EGLN1: variants seen among roughly 807,000 people sequenced by gnomAD.
EGLN1 encodes the protein egl-9 family hypoxia inducible factor 1.
A neutral mutation model predicts 38.3 loss-of-function variants in EGLN1; 17 were observed. That is an observed-to-expected ratio of 0.44 (90% CI 0.30 to 0.67). EGLN1 has a LOEUF of 0.67. Among genes scored for constraint, EGLN1 ranks in the 30% least tolerant of loss-of-function variants. The pLI, the probability that EGLN1 is intolerant of heterozygous loss-of-function variation, is 0.08. For missense variants in EGLN1, 477 were observed against 603.3 expected, an observed-to-expected ratio of 0.79 and a Z score of 2.19; for synonymous variants, 283 against 257.5, an observed-to-expected ratio of 1.10 and a Z score of -0.95.
intron 1 of EGLN1, among the ~76,000 whole-genome samples, chr1:231,406,170 A>C (rs5006653): frequency 1.0e-3 from 125 of 121,150 alleles, no homozygotes; most frequent in Admixed American, 4.8e-3. Flanking sequence ...CGTCTCAAAA[A>C]AAAAAAAAAT....
chr1:231,381,791 T>A (rs1222446182), intron 1 of EGLN1, among the ~76,000 whole-genome samples: 8 of 152,236 alleles, frequency 5.3e-5, no homozygotes, highest in Non-Finnish European at 1.0e-4. Context: ...ACCTCAGCTA[T>A]AATCTTACCA....
chr1:231,374,189 T>G, intron 1 of EGLN1, 90 bp from the exon 2 acceptor site: 1 of 1,125,650 alleles, frequency 8.9e-7, no homozygotes, highest in Non-Finnish European at 1.3e-6. Context: ...TTTTGGCTAC[T>G]GATTTACACT....
At chr1:231,377,585 T>A (rs1427919983) in intron 1 of EGLN1, among the ~76,000 whole-genome samples, 2 of 152,166 alleles carry the variant, frequency 1.3e-5, no homozygotes, top group Non-Finnish European at 2.9e-5. Flanking sequence ...CAGTTTTAAT[T>A]ACAAGCATCG....
intron 1 of EGLN1, 57 bp downstream of exon 1, chr1:231,420,941 G>A: frequency 1.2e-6 from 2 of 1,613,448 alleles, no homozygotes; most frequent in Non-Finnish European, 1.7e-6. Context: ...TCAGTCGCAG[G>A]CAGGGGCTGC....
intron 1 of EGLN1, among the ~76,000 whole-genome samples, chr1:231,401,044 C>A (rs977952174): frequency 1.3e-5 from 2 of 152,124 alleles, no homozygotes; most frequent in Non-Finnish European, 2.9e-5. Flanking sequence ...GAGTGAGACC[C>A]TATCTCAAAA....
In EGLN1 at chr1:231,422,004, T is replaced by A; in HGVS notation, c.-116A>T. The A allele has an allele frequency of 3.5e-6, 4 of 1,127,200 alleles. No individual in the cohort carries two copies. Among genetic ancestry groups the A allele is most frequent in the Non-Finnish European group, 4.6e-6 (4 of 875,294 alleles). 69.8% of individuals were successfully genotyped at this position (1,127,200 alleles called of 1,614,324 possible). A position where few individuals can be genotyped will look rare whatever the true frequency, so the allele number is the denominator to read the frequency against. On this transcript the variant is annotated 5_prime_UTR_variant, in exon 1 of 5. The change abolishes an upstream ATG in the 5' untranslated region. Coordinates refer to ENST00000366641, the MANE Select transcript of EGLN1 (RefSeq NM_022051.3). ...AGAGATAGGGGCCGTTACTGCGCCA[T>A]GCACCCGCTACCCTCGCCTCAGGGA...
intron 1 of EGLN1, among the ~76,000 whole-genome samples, chr1:231,393,762 C>T (rs1387119389): frequency 6.6e-6 from 1 of 152,104 alleles, no homozygotes; most frequent in East Asian, 1.9e-4. Flanking sequence ...CTCATCACAC[C>T]CTCTGCCTTT....
intron 1 of EGLN1, among the ~76,000 whole-genome samples, chr1:231,399,391 A>G (rs1201746198): frequency 6.6e-6 from 1 of 152,230 alleles, no homozygotes; most frequent in Non-Finnish European, 1.5e-5. Flanking sequence ...TTCAAACCCC[A>G]GTCTACCTGA....
chr1:231,420,018 T>G (rs1656518978), intron 1 of EGLN1, among the ~76,000 whole-genome samples: 1 of 152,040 alleles, frequency 6.6e-6, no homozygotes, highest in African/African-American at 2.4e-5. Flanking sequence ...GATCAAGATC[T>G]GAGAAGTAAA....
intron 1 of EGLN1, among the ~76,000 whole-genome samples, chr1:231,376,444 T>C (rs973437394): frequency 1.3e-5 from 2 of 152,322 alleles, no homozygotes; most frequent in East Asian, 3.9e-4. Flanking sequence ...AGTGCAAGAG[T>C]AGCGATGCTG....
intron 1 of EGLN1, among the ~76,000 whole-genome samples, chr1:231,377,562 C>T (rs1256433163): frequency 6.6e-6 from 1 of 152,150 alleles, no homozygotes. Flanking sequence ...AATGGAAACA[C>T]TAGGTGAAAG....
At chr1:231,416,938 A>G (rs895721932) in intron 1 of EGLN1, among the ~76,000 whole-genome samples, 2 of 152,252 alleles carry the variant, frequency 1.3e-5, no homozygotes, top group Non-Finnish European at 2.9e-5. Context: ...CAATTTGTGT[A>G]TCCTGGATCC....
At chr1:231,371,686 G>A (rs1339107340) in intron 2 of EGLN1, among the ~76,000 whole-genome samples, 1 of 152,166 alleles carries the variant, frequency 6.6e-6, no homozygotes, top group East Asian at 1.9e-4. Flanking sequence ...GGCTCTGGGT[G>A]CAGAGTAGGG....
intron 2 of EGLN1, among the ~76,000 whole-genome samples, chr1:231,372,577 CATCT>C (rs1687856587): frequency 6.6e-6 from 1 of 152,176 alleles, no homozygotes; most frequent in Non-Finnish European, 1.5e-5. Flanking sequence ...AAGTTACACC[CATCT>C]GTTTTGTGCC....
chr1:231,368,084 A>C (rs1477194133), intron 3 of EGLN1, among the ~76,000 whole-genome samples: 5 of 152,192 alleles, frequency 3.3e-5, no homozygotes, highest in Non-Finnish European at 2.9e-5. Flanking sequence ...GCTACTCAGG[A>C]GGCTGAGAGG....
intron 1 of EGLN1, among the ~76,000 whole-genome samples, chr1:231,409,540 C>T (rs1053291169): frequency 6.6e-6 from 1 of 152,138 alleles, no homozygotes; most frequent in African/African-American, 2.4e-5. Flanking sequence ...CCATCTCCCC[C>T]ATCAGACAGG....
At chr1:231,387,866 T>C (rs1232912813) in intron 1 of EGLN1, among the ~76,000 whole-genome samples, 2 of 152,202 alleles carry the variant, frequency 1.3e-5, no homozygotes, top group African/African-American at 2.4e-5. Context: ...AACATCCATC[T>C]ATACCACTCT....
intron 1 of EGLN1, among the ~76,000 whole-genome samples, chr1:231,388,518 G>A (rs1688283101): frequency 6.6e-6 from 1 of 151,336 alleles, no homozygotes; most frequent in Admixed American, 6.6e-5. Flanking sequence ...TGTCGCCCAG[G>A]CTGGAGGGCA....
Position 231,370,712 on chromosome 1 carries a change from C to A in EGLN1, c.1012-14G>T, listed in dbSNP as rs200827505. The A allele has an allele frequency of 6.2e-7, 1 of 1,613,790 alleles. No homozygotes were observed. The highest frequency in any genetic ancestry group is 8.5e-7 in the Non-Finnish European group (1 of 1,179,932). ...ACCTCCACTTACCTAGGAAAAGAGC[C>A]AAATATGTAAGCAGGAGTAACCAAA... On this transcript the variant is annotated splice_polypyrimidine_tract_variant and intron_variant, in intron 2 of 4. Transcript: ENST00000366641.
Sources: allele counts gnomAD v4.1 joint callset (sites outside exome capture counted in the v4.1 genomes callset), GRCh38; gene constraint gnomAD v4.1.1; transcripts MANE v1.5; gene names NCBI Gene and HGNC (gene_info 2026-07-23, HGNC 2026-07-21).